LAMA5: variants seen among roughly 807,000 people sequenced by gnomAD.
LAMA5 encodes laminin subunit alpha 5.
Under a neutral mutation model 433.4 loss-of-function variants are expected in LAMA5, and 260 were observed. The ratio of observed to expected loss-of-function variants is 0.60; its 90% confidence interval spans 0.54 to 0.66. The LOEUF (loss-of-function observed/expected upper bound fraction) is 0.66, where lower values mean the gene tolerates loss of function less well. Ranked by LOEUF, LAMA5 falls within the 30% of genes least tolerant of loss-of-function variation. LAMA5 has a pLI of 0.00. For synonymous variants in LAMA5, 2,620 were observed against 2,226.6 expected, an observed-to-expected ratio of 1.18 and a Z score of -4.97; for missense variants, 5,378 against 5,258.5, an observed-to-expected ratio of 1.02 and a Z score of -0.70.
intron 40 of LAMA5, 95 bp from the exon 41 acceptor site, chr20:62,325,641 G>A: frequency 2.5e-6 from 2 of 794,040 alleles, no homozygotes; most frequent in Admixed American, 3.0e-5. Context: ...GGGATGGAGG[G>A]GCACAAAGAC....
Position 62,359,258 on chromosome 20 carries a change from G to A in LAMA5, c.450+3142C>T, listed in dbSNP as rs554595377. On this transcript the variant is annotated intron_variant, in intron 2 of 79. Transcript: ENST00000252999. The surrounding 1 kb of genome is among the most constrained non-coding windows in gnomAD (Gnocchi z 4.3). The stretch of plus-strand genomic sequence containing the variant: ...GGGAGAGCCCCGCCCCCACGGTCAG[G>A]CCACCCAGGGGCCGACTGGAGAGGG... Among the ~76,000 whole-genome samples, 32 of 152,230 alleles carry A rather than the reference G, an allele frequency of 2.1e-4. No homozygotes were observed. Among genetic ancestry groups the A allele is most frequent in the African/African-American group, 7.7e-4 (32 of 41,548 alleles).
At position 62,333,403 on chromosome 20, in the gene LAMA5, G is replaced by T. The variant is rs369182419; in HGVS notation, c.3100C>A (p.Arg1034Ser). The T allele has an allele frequency of 5.6e-6, 9 of 1,612,694 alleles. No homozygotes were observed. Among genetic ancestry groups the T allele is most frequent in the Non-Finnish European group, 7.6e-6 (9 of 1,179,872 alleles). ...QLRVTEACTYRPSAQQSGDNC... is the reference protein window; with the variant it reads ...QLRVTEACTYSPSAQQSGDNC... The stretch of plus-strand genomic sequence containing the variant: ...TCGCCAGACTGCTGGGCAGAGGGAC[G>T]GTATGTGCAGGCCTCAGTCACCCGC... The change falls in exon 25 of 80, where the codon CGT (arginine) becomes AGT (serine). Residue 1034 changes from arginine (R) to serine (S), a missense_variant. Physicochemically the swap from Arg to Ser is moderately radical, Grantham distance 110 (BLOSUM62 -1). Coordinates refer to ENST00000252999, the MANE Select transcript of LAMA5 (RefSeq NM_005560.6).
At chr20:62,352,620 C>T (rs935711257) in intron 3 of LAMA5, among the ~76,000 whole-genome samples, 9 of 151,944 alleles carry the variant, frequency 5.9e-5, no homozygotes, top group South Asian at 2.1e-4. Context: ...TGGGGACAGA[C>T]GCCTACTGCC....
intron 11 of LAMA5, among the ~76,000 whole-genome samples, chr20:62,344,941 C>T (rs144382020): frequency 5.3e-5 from 8 of 152,262 alleles, no homozygotes; most frequent in Non-Finnish European, 8.8e-5. Flanking sequence ...CATGACGAAG[C>T]TTGTGAAAGA....
Position 62,323,687 on chromosome 20 carries a change from GA to G in LAMA5, c.5850-18del, listed in dbSNP as rs745475666. The G allele has an allele frequency of 6.3e-7, 1 of 1,599,410 alleles. No individual in the cohort carries two copies. Among genetic ancestry groups the G allele is most frequent in the South Asian group, 1.1e-5 (1 of 89,902 alleles). On this transcript the variant is annotated intron_variant, in intron 44 of 79. Coordinates refer to ENST00000252999, the MANE Select transcript of LAMA5 (RefSeq NM_005560.6). Reference sequence around the variant, plus strand: ...GGCGCACACCTGGGAGCAGGGTGGGGAGGGGCCGTCAGTGGCCCGTGGCGCC... The same window carrying G: ...GGCGCACACCTGGGAGCAGGGTGGGGGGGGCCGTCAGTGGCCCGTGGCGCC...
At chr20:62,334,460 G>C (rs1568945274) in intron 21 of LAMA5, 62 bp downstream of exon 21, 5 of 1,517,262 alleles carry the variant, frequency 3.3e-6, no homozygotes, top group Non-Finnish European at 4.4e-6. Flanking sequence ...GGGACACGGA[G>C]AGGCCCGGAG....
intron 16 of LAMA5, among the ~76,000 whole-genome samples, chr20:62,337,367 C>T (rs1179923006): frequency 1.3e-5 from 2 of 152,238 alleles, no homozygotes; most frequent in African/African-American, 4.8e-5. Flanking sequence ...TGCACCCATA[C>T]GAGACACGAC....
Position 62,330,765 on chromosome 20 carries a change from G to A in LAMA5, c.3830C>T (p.Pro1277Leu), listed in dbSNP as rs1266209813. 7.0e-6 allele frequency: 11 copies of A among 1,562,530 alleles called. No individual in the cohort carries two copies. Among genetic ancestry groups the A allele is most frequent in the Non-Finnish European group, 9.5e-6 (11 of 1,154,318 alleles). Residue 1277 changes from proline to leucine, a missense_variant, in exon 30 of 80, where the codon CCC (proline) becomes CTC (leucine). Pro to Leu is a moderately conservative substitution (Grantham distance 98). Transcript: ENST00000252999. ...CACCTGGGGCTCACGCAGCAGGGTG[G>A]GCTCTGCATCAGGGTCCACAGCGGT... ...PPTAVDPDAE[P>L]TLLREPQATV... is the part of the protein sequence containing the mutation.
Position 62,311,268 on chromosome 20 carries a change from A to C in LAMA5, c.9982T>G (p.Cys3328Gly), listed in dbSNP as rs1986238943. 1 of 1,603,100 alleles carries C rather than the reference A, an allele frequency of 6.2e-7. No homozygotes were observed. The highest frequency in any genetic ancestry group is 8.5e-7 in the Non-Finnish European group (1 of 1,176,242). The change falls in exon 73 of 80, where the codon TGC (cysteine) becomes GGC (glycine). Residue 3328 changes from cysteine to glycine, a missense_variant. Cys to Gly is a radical substitution (Grantham distance 159). Coordinates refer to ENST00000252999, the MANE Select transcript of LAMA5 (RefSeq NM_005560.6). ...RSRQPARHPA[C>G]MLPPHLRTTR... Reference sequence around the variant, plus strand: ...GTCCTGAGGTGTGGGGGCAGCATGCAGGCAGGATGCCGGGCGGGCTGACGG... The same window carrying C: ...GTCCTGAGGTGTGGGGGCAGCATGCCGGCAGGATGCCGGGCGGGCTGACGG...
chr20:62,327,161 C>T (rs1979443250), intron 38 of LAMA5, 72 bp downstream of exon 38: 2 of 1,400,300 alleles, frequency 1.4e-6, no homozygotes, highest in Non-Finnish European at 9.4e-7. Context: ...AGACCCCGCT[C>T]CTGGCTCCCA....
Position 62,314,853 on chromosome 20 carries a change from G to A in LAMA5, c.8142C>T (p.Ala2714=), listed in dbSNP as rs1402532269. The change falls in exon 60 of 80, where the codon GCC becomes GCT. Residue 2714 remains alanine, a synonymous_variant. Transcript: ENST00000252999. ...GVHNASLALS[A]SIGRVRELIA... is the part of the protein sequence containing the mutation. ...TGAGCTCTCGCACGCGGCCAATGCTGGCGGACAGGGCCAGGCTGGCGTTGT... is the reference window on the plus strand; with the variant it reads ...TGAGCTCTCGCACGCGGCCAATGCTAGCGGACAGGGCCAGGCTGGCGTTGT... 1 of 1,612,670 alleles carries A rather than the reference G, an allele frequency of 6.2e-7. No homozygotes were observed. The highest frequency in any genetic ancestry group is 8.5e-7 in the Non-Finnish European group (1 of 1,179,920).
At chr20:62,332,526 C>T in intron 27 of LAMA5, 31 bp downstream of exon 27, 1 of 1,606,164 alleles carries the variant, frequency 6.2e-7, no homozygotes, top group Non-Finnish European at 8.5e-7. Flanking sequence ...CCGGGCGTGC[C>T]CTTACTCCAG....
chr20:62,316,320 G>A, intron 57 of LAMA5: 1 of 566,702 alleles, frequency 1.8e-6, no homozygotes. Context: ...AGAAGAGACA[G>A]CCCTCTGGTC....
chr20:62,313,612 A>G, intron 63 of LAMA5, 37 bp downstream of exon 63: 1 of 1,608,754 alleles, frequency 6.2e-7, no homozygotes, highest in Non-Finnish European at 8.5e-7. Context: ...GGGGCTGCGG[A>G]GCCCCTCCCA....
At position 62,345,812 on chromosome 20, in the gene LAMA5, A is replaced by T; in HGVS notation, c.1477+6T>A. On this transcript the variant is annotated splice_donor_region_variant and intron_variant, in intron 11 of 79. Transcript: ENST00000252999. ...CCGGGGACCTGGGGGCCTCAAGGAC[A>T]CTTACTCACAATCTGGCCGGCTGGC... 1 of 1,549,872 alleles carries T rather than the reference A, an allele frequency of 6.5e-7. No individual in the cohort carries two copies. Among genetic ancestry groups the T allele is most frequent in the Non-Finnish European group, 8.7e-7 (1 of 1,146,342 alleles).
At chr20:62,318,074 T>G (rs1601299502) in intron 53 of LAMA5, among the ~76,000 whole-genome samples, 1 of 10,018 alleles carries the variant, frequency 1.0e-4, no homozygotes, top group Non-Finnish European at 1.9e-4. Flanking sequence ...GATGGGGAAA[T>G]GAGAGGAGGA....
intron 2 of LAMA5, among the ~76,000 whole-genome samples, 157 bp downstream of exon 2, chr20:62,362,243 G>A (rs182224358): frequency 6.6e-6 from 1 of 152,338 alleles, no homozygotes; most frequent in Admixed American, 6.5e-5. Flanking sequence ...CTTTGTCCCT[G>A]TGGGGACTCC....
Position 62,336,348 on chromosome 20 carries a change from C to T in LAMA5, c.2315G>A (p.Gly772Asp). The T allele has an allele frequency of 6.2e-7, 1 of 1,609,420 alleles. No homozygotes were observed. Among genetic ancestry groups the T allele is most frequent in the Non-Finnish European group, 8.5e-7 (1 of 1,177,800 alleles). ...CTCCAGGGCACACTCACGGGTACAG[C>T]CCTCGGGGTTGCTGGGGCTCAGTCC... is the stretch of plus-strand genomic sequence containing the variant. Reference protein sequence around the residue: ...FWGLSPSNPEGCTRCSCDLRG... With the variant: ...FWGLSPSNPEDCTRCSCDLRG... The change falls in exon 18 of 80, where the codon GGC (glycine) becomes GAC (aspartate). Residue 772 changes from glycine (G) to aspartate (D), a missense_variant. Physicochemically the swap from Gly to Asp is moderately conservative, Grantham distance 94. Transcript: ENST00000252999.
chr20:62,348,401 G>A (rs867751105), intron 6 of LAMA5, among the ~76,000 whole-genome samples: 3 of 152,152 alleles, frequency 2.0e-5, no homozygotes, highest in South Asian at 4.1e-4. Context: ...TCAGGAGATC[G>A]AGACCATCTG....
Sources: gnomAD v4.1 joint callset for allele counts (sites outside exome capture counted in the v4.1 genomes callset) on GRCh38, gnomAD v4.1.1 for gene constraint, Gnocchi (gnomAD v3.1) non-coding constraint, MANE v1.5 for transcripts, NCBI Gene and HGNC (gene_info 2026-07-23, HGNC 2026-07-21) for gene names.